Variants in SAMD9 observed in about 807,000 individuals in gnomAD.
SAMD9 encodes the protein sterile alpha motif domain-containing protein 9.
A neutral mutation model predicts 1.5 loss-of-function variants in SAMD9; 3 were observed. The ratio of observed to expected loss-of-function variants is 2.05; its 90% confidence interval spans 0.93 to 5.29. The LOEUF (loss-of-function observed/expected upper bound fraction) is 5.29. SAMD9 is among the 30% of genes most tolerant of loss of function. The probability of loss-of-function intolerance (pLI) is 0.02; values close to 1 mark genes in which losing one functional copy is unlikely to be tolerated. For missense variants in SAMD9, 1,597 were observed against 1,820.8 expected (o/e 0.88, Z 2.24); for synonymous variants, 635 against 631.9 (o/e 1.00, Z -0.07).
Position 93,104,296 on chromosome 7 carries a change from A to G in SAMD9, c.1802T>C (p.Ile601Thr). ...TAAAGCAGAAATACATTGGCTTGAA[A>G]TTTCATCTTGGTGTTTTATTAATCT... is the stretch of plus-strand genomic sequence containing the variant. The part of the protein sequence containing the change: ...EARLIKHQDE[I>T]SSQCISALSL... The change falls in exon 3 of 3, where the codon ATT becomes ACT. Residue 601 changes from isoleucine to threonine, a missense_variant. Around this residue, in one of 6 missense-constraint regions of SAMD9, gnomAD observed 358 missense variants for 460.4 expected, o/e 0.78. Coordinates refer to ENST00000379958, the MANE Select transcript of SAMD9 (RefSeq NM_017654.4). The G allele has an allele frequency of 6.2e-7, 1 of 1,613,508 alleles. No individual in the cohort carries two copies. Among genetic ancestry groups the G allele is most frequent in the Middle Eastern group, 1.7e-4 (1 of 6,058 alleles).
chr7:93,104,188 A>T lies in SAMD9; in HGVS notation c.1910T>A (p.Leu637Ter). 6.2e-7 allele frequency: 1 copy of T among 1,613,994 alleles called. No individual in the cohort carries two copies. Among genetic ancestry groups the T allele is most frequent in the Non-Finnish European group, 8.5e-7 (1 of 1,179,850 alleles). ...TTCCTTTTTCAGAAGGACAGTCGAT[A>T]AACCAATAGATGGCAAAAGCCTTTT... The part of the protein sequence containing the change: ...SSKRLLPSIG[L>*]STVLLKKEED... Residue 637 changes from leucine to a stop codon, truncating the protein, a stop_gained, in exon 3 of 3, where the codon TTA becomes TAA. Coordinates refer to ENST00000379958, the MANE Select transcript of SAMD9 (RefSeq NM_017654.4). LOFTEE classifies it low-confidence loss of function (END_TRUNC).
At position 93,104,799 on chromosome 7, in the gene SAMD9, T is replaced by C. The variant is rs373138036; in HGVS notation, c.1299A>G (p.Glu433=). ...ACTCCAATACAGCAAACCATTTAAT[T>C]TCCTTCAGGAAATCTAAGTGTTTTG... ...DQTKHLDFLK[E]IKWFAVLEFD... Residue 433 remains glutamate, a synonymous_variant, in exon 3 of 3, where the codon GAA becomes GAG. Transcript: ENST00000379958. The C allele has an allele frequency of 6.2e-7, 1 of 1,613,596 alleles. No individual in the cohort carries two copies. Among genetic ancestry groups the C allele is most frequent in the African/African-American group, 1.3e-5 (1 of 74,928 alleles).
intron 2 of SAMD9, among the ~76,000 whole-genome samples, chr7:93,109,385 A>T (rs1229236652): frequency 6.6e-6 from 1 of 152,230 alleles, no homozygotes; most frequent in Non-Finnish European, 1.5e-5. Flanking sequence ...TCTGAAAATC[A>T]GAGCACCTCT....
rs1473411976 is a variant in SAMD9, at chr7:93,099,771, C to T, written c.*1557G>A. ...GAATTCCATGTATCCAGCTTGCAGC[C>T]ATTGTTAACTCAGGACTAATCTTGT... is the stretch of plus-strand genomic sequence containing the variant. On this transcript the variant is annotated 3_prime_UTR_variant, in exon 3 of 3. Coordinates refer to ENST00000379958, the MANE Select transcript of SAMD9 (RefSeq NM_017654.4). 1 of 152,104 alleles carries T rather than the reference C, an allele frequency of 6.6e-6. No individual in the cohort carries two copies. The highest frequency in any genetic ancestry group is 1.5e-5 in the Non-Finnish European group (1 of 68,014). 9.4% of individuals were successfully genotyped at this position (152,104 alleles called of 1,614,324 possible).
intron 2 of SAMD9, among the ~76,000 whole-genome samples, chr7:93,111,522 G>A (rs1791743571): frequency 6.6e-6 from 1 of 152,124 alleles, no homozygotes; most frequent in African/African-American, 2.4e-5. Flanking sequence ...TCCAGGAGCT[G>A]GTTTTTTGAA....
chr7:93,114,790 C>T lies in SAMD9; in HGVS notation c.-9+5G>A, dbSNP rs964048038. 1 of 152,130 alleles carries T rather than the reference C, an allele frequency of 6.6e-6. No individual in the cohort carries two copies. Among genetic ancestry groups the T allele is most frequent in the Non-Finnish European group, 1.5e-5 (1 of 68,018 alleles). The allele number at this position is 152,130 out of a possible 1,614,324, so 9.4% of individuals were successfully genotyped here. A position where few individuals can be genotyped will look rare whatever the true frequency, so the allele number is the denominator to read the frequency against. The stretch of plus-strand genomic sequence containing the variant: ...TTGAGCAAATTCTTAAAAAATATAG[C>T]TTACCAAACTGACTCTAGAAGAAAC... On this transcript the variant is annotated splice_donor_5th_base_variant and intron_variant, in intron 2 of 2. Coordinates refer to ENST00000379958, the MANE Select transcript of SAMD9 (RefSeq NM_017654.4).
chr7:93,108,752 GA>G, intron 2 of SAMD9, among the ~76,000 whole-genome samples: 1 of 152,336 alleles, frequency 6.6e-6, no homozygotes, highest in East Asian at 1.9e-4. Context: ...AAGCCTGGGG[GA>G]GGGGCGTCCA....
In SAMD9 at chr7:93,101,588, T is replaced by A. The variant is rs376666275; in HGVS notation, c.4510A>T (p.Lys1504Ter). The change falls in exon 3 of 3, where the codon AAG (lysine) becomes TAG (stop). Residue 1504 changes from lysine to a stop codon, truncating the protein, a stop_gained. Transcript: ENST00000379958. LOFTEE classifies it low-confidence loss of function (END_TRUNC). ...HKGKIDQCFK[K>*]TPDINSLWQS... is the part of the protein sequence containing the mutation. ...CACAAGGAATTAATATCTGGTGTCT[T>A]CTTAAAGCACTGGTCAATTTTTCCT... The A allele has an allele frequency of 1.2e-6, 2 of 1,613,818 alleles. No individual in the cohort carries two copies. Among genetic ancestry groups the A allele is most frequent in the Non-Finnish European group, 1.7e-6 (2 of 1,179,828 alleles).
At chr7:93,114,288 T>C (rs1279940937) in intron 2 of SAMD9, among the ~76,000 whole-genome samples, 1 of 86,314 alleles carries the variant, frequency 1.2e-5, no homozygotes, top group Non-Finnish European at 2.1e-5. Flanking sequence ...CATCACACAC[T>C]GGGGCCTGTT....
At position 93,102,232 on chromosome 7, in the gene SAMD9, T is replaced by C. The variant is rs779168326; in HGVS notation, c.3866A>G (p.Glu1289Gly). Residue 1289 changes from glutamate (E) to glycine (G), a missense_variant, in exon 3 of 3, where the codon GAG becomes GGG. Physicochemically the swap from Glu to Gly is moderately conservative, Grantham distance 98. Coordinates refer to ENST00000379958, the MANE Select transcript of SAMD9 (RefSeq NM_017654.4). Reference protein sequence around the residue: ...KPRNNIKQNEEAKTRRKVAGY... With the variant: ...KPRNNIKQNEGAKTRRKVAGY... ...AGCCACCTTTCTCCGAGTTTTGGCCTCTTCATTTTGCTTAATATTGTTCCT... is the reference window on the plus strand; with the variant it reads ...AGCCACCTTTCTCCGAGTTTTGGCCCCTTCATTTTGCTTAATATTGTTCCT... The C allele has an allele frequency of 6.2e-7, 1 of 1,613,774 alleles. No homozygotes were observed.
chr7:93,106,207 C>T (rs1455638477), intron 2 of SAMD9, 102 bp from the exon 3 acceptor site: 6 of 693,028 alleles, frequency 8.7e-6, no homozygotes, highest in African/African-American at 1.8e-5. Flanking sequence ...TTAAAAAGCT[C>T]AAAAGGATAT....
At chr7:93,106,970 A>C in intron 2 of SAMD9, among the ~76,000 whole-genome samples, 1 of 152,208 alleles carries the variant, frequency 6.6e-6, no homozygotes, top group East Asian at 1.9e-4. Context: ...TCAGGTAATG[A>C]GATCCTTCTA....
At chr7:93,116,790 G>A (rs940594422) in intron 1 of SAMD9, among the ~76,000 whole-genome samples, 1 of 152,174 alleles carries the variant, frequency 6.6e-6, no homozygotes, top group African/African-American at 2.4e-5. Context: ...TACTGGTTTT[G>A]ATTCCGTATA....
Position 93,104,923 on chromosome 7 carries a change from G to T in SAMD9, c.1175C>A (p.Pro392Gln), listed in dbSNP as rs752940223. ...AKTNKKEREG[P>Q]KLVKLLTGNQ... ...TCCTGTCAATAATTTAACCAACTTT[G>T]GTCCCTCTCTTTCTTTTTTATTTGT... Residue 392 changes from proline (P) to glutamine (Q), a missense_variant, in exon 3 of 3, where the codon CCA (proline) becomes CAA (glutamine). Physicochemically the swap from Pro to Gln is moderately conservative, Grantham distance 76. Coordinates refer to ENST00000379958, the MANE Select transcript of SAMD9 (RefSeq NM_017654.4). The T allele has an allele frequency of 7.4e-6, 12 of 1,612,010 alleles. No individual in the cohort carries two copies. The highest frequency in any genetic ancestry group is 1.3e-5 in the African/African-American group (1 of 74,798).
At chr7:93,110,565 CAT>C (rs900582448) in intron 2 of SAMD9, among the ~76,000 whole-genome samples, 2 of 152,136 alleles carry the variant, frequency 1.3e-5, no homozygotes, top group African/African-American at 4.8e-5. Flanking sequence ...AGACCCATCT[CAT>C]GTGCAGAGAC....
At chr7:93,107,701 C>T (rs1233250012) in intron 2 of SAMD9, among the ~76,000 whole-genome samples, 1 of 152,140 alleles carries the variant, frequency 6.6e-6, no homozygotes, top group African/African-American at 2.4e-5. Flanking sequence ...TTAGAATTTA[C>T]CTTTCTTTCA....
chr7:93,110,142 G>A (rs1791715593), intron 2 of SAMD9, among the ~76,000 whole-genome samples: 1 of 152,176 alleles, frequency 6.6e-6, no homozygotes, highest in Admixed American at 6.5e-5. Context: ...AAGAGAGTGG[G>A]GGCCAATATT....
intron 2 of SAMD9, among the ~76,000 whole-genome samples, chr7:93,114,371 C>T (rs1331255258): frequency 6.6e-6 from 1 of 151,962 alleles, no homozygotes. Flanking sequence ...ATGGGTGCAG[C>T]ACACCAACAT....
Position 93,105,545 on chromosome 7 carries a change from T to C in SAMD9, c.553A>G (p.Thr185Ala). The C allele has an allele frequency of 6.2e-7, 1 of 1,614,108 alleles. No homozygotes were observed. The change falls in exon 3 of 3, where the codon ACA (threonine) becomes GCA (alanine). Residue 185 changes from threonine to alanine, a missense_variant. Transcript: ENST00000379958. ...YKLDFSLQPETGPGNLIDPIH... is the reference protein window; with the variant it reads ...YKLDFSLQPEAGPGNLIDPIH... ...GGATCAATGAGATTGCCTGGTCCTG[T>C]TTCAGGCTGTAGACTAAAATCCAAC...
Sources: gnomAD v4.1 joint callset for allele counts (sites outside exome capture counted in the v4.1 genomes callset) on GRCh38, gnomAD v4.1.1 for gene constraint, gnomAD v4.1.1 regional missense constraint, MANE v1.5 for transcripts, NCBI Gene and HGNC (gene_info 2026-07-23, HGNC 2026-07-21) for gene names.